Variants in NFATC3 observed in about 807,000 individuals in gnomAD.
The protein encoded by NFATC3 is nuclear factor of activated T-cells, cytoplasmic 3.
A neutral mutation model predicts 98.6 loss-of-function variants in NFATC3; 46 were observed. That is an observed-to-expected ratio of 0.47 (90% CI 0.37 to 0.60). The LOEUF is 0.60. Ranked by LOEUF, NFATC3 falls within the 20% of genes least tolerant of loss-of-function variation. The pLI, the probability that NFATC3 is intolerant of heterozygous loss-of-function variation, is 0.00. For missense variants in NFATC3, 1,256 were observed against 1,295.5 expected (o/e 0.97, Z 0.47); for synonymous variants, 512 against 472.2 (o/e 1.08, Z -1.09).
At chr16:68,160,098 C>T (rs1022116456) in intron 4 of NFATC3, among the ~76,000 whole-genome samples, 13 of 152,138 alleles carry the variant, frequency 8.5e-5, no homozygotes, top group African/African-American at 2.9e-4. Context: ...AATCAGATTT[C>T]AGTCTTGAGC....
intron 9 of NFATC3, among the ~76,000 whole-genome samples, chr16:68,194,765 A>G (rs1009422883): frequency 4.6e-5 from 7 of 152,160 alleles, no homozygotes; most frequent in African/African-American, 1.7e-4. Flanking sequence ...AATTTACCAC[A>G]GGTTGAGAGA....
intron 1 of NFATC3, among the ~76,000 whole-genome samples, chr16:68,105,686 A>G (rs1477390836): frequency 6.6e-6 from 1 of 152,138 alleles, no homozygotes; most frequent in Non-Finnish European, 1.5e-5. Context: ...ATTCTTGTCT[A>G]AGTGTTCATT....
chr16:68,113,099 T>G (rs2036070579), intron 1 of NFATC3, among the ~76,000 whole-genome samples: 1 of 152,238 alleles, frequency 6.6e-6, no homozygotes, highest in Non-Finnish European at 1.5e-5. Context: ...CAATTCATTC[T>G]TCTCTGCCTC....
At chr16:68,209,876 C>A in intron 9 of NFATC3, 1 of 259,318 alleles carries the variant, frequency 3.9e-6, no homozygotes, top group Admixed American at 4.8e-5. Flanking sequence ...CACTCACAGT[C>A]ACACTCACTC....
chr16:68,133,618 C>A (rs12597573), intron 3 of NFATC3, among the ~76,000 whole-genome samples: 16,166 of 152,132 alleles, frequency 0.11, 987 homozygotes, highest in South Asian at 0.21. Context: ...CGAAGATAAT[C>A]ATGCTTCTCA....
intron 6 of NFATC3, among the ~76,000 whole-genome samples, chr16:68,179,488 G>A (rs2039865372): frequency 6.6e-6 from 1 of 152,166 alleles, no homozygotes; most frequent in Non-Finnish European, 1.5e-5. Flanking sequence ...TCTAGTTACT[G>A]GACTGGAAAA....
intron 3 of NFATC3, among the ~76,000 whole-genome samples, chr16:68,140,130 G>A (rs2037671090): frequency 6.6e-6 from 1 of 152,056 alleles, no homozygotes; most frequent in Admixed American, 6.6e-5. Context: ...CCAAGTAGTT[G>A]GGACTACAAG....
chr16:68,125,801 A>G (rs569050533), intron 2 of NFATC3, among the ~76,000 whole-genome samples: 1 of 152,328 alleles, frequency 6.6e-6, no homozygotes, highest in East Asian at 1.9e-4. Flanking sequence ...AAAAATTTAC[A>G]GTTTTATAAA....
chr16:68,110,096 C>A (rs1054890090), intron 1 of NFATC3, among the ~76,000 whole-genome samples: 1 of 152,068 alleles, frequency 6.6e-6, no homozygotes, highest in Non-Finnish European at 1.5e-5. Context: ...CCTCCACCTC[C>A]TGGGTTCAAG....
chr16:68,214,623 A>T (rs1307996496), intron 9 of NFATC3, among the ~76,000 whole-genome samples: 1 of 152,168 alleles, frequency 6.6e-6, no homozygotes, highest in Non-Finnish European at 1.5e-5. Context: ...TCAGGCTCTT[A>T]CACTTGTGCT....
rs1360532974 is a variant in NFATC3, at chr16:68,199,219, T to TTTTA, written c.3106+7447_3106+7448insATTT. Among the ~76,000 whole-genome samples the TTTTA allele has an allele frequency of 4.6e-3, 698 of 150,952 alleles. 7 individuals carry two copies. The highest frequency in any genetic ancestry group is 0.016 in the African/African-American group (661 of 40,978). On this transcript the variant is annotated intron_variant, in intron 9 of 9. Transcript: ENST00000346183. ...CAACAGACCAAGACCCTGTTTATTT[T>TTTTA]TTTTTTATTTTTTATTTTTTTTGAG...
intron 4 of NFATC3, among the ~76,000 whole-genome samples, chr16:68,164,138 G>A (rs1195941682): frequency 6.6e-6 from 1 of 152,244 alleles, no homozygotes; most frequent in East Asian, 1.9e-4. Context: ...ACCAGACTCC[G>A]TCTGCAATCC....
intron 3 of NFATC3, among the ~76,000 whole-genome samples, chr16:68,147,485 A>AT (rs1205640626): frequency 6.6e-6 from 1 of 152,168 alleles, no homozygotes; most frequent in Non-Finnish European, 1.5e-5. Flanking sequence ...TTCAACAATG[A>AT]TTGAATGCCT....
chr16:68,168,383 G>A (rs924715583), intron 5 of NFATC3, among the ~76,000 whole-genome samples: 1 of 150,728 alleles, frequency 6.6e-6, no homozygotes. Context: ...TGCTGGTCTC[G>A]AAATTCTGAC....
In NFATC3 at chr16:68,191,778, A is replaced by C. The variant is rs2040418913; in HGVS notation, c.3106+3A>C. On this transcript the variant is annotated splice_donor_region_variant and intron_variant, in intron 9 of 9. Coordinates refer to ENST00000346183, the MANE Select transcript of NFATC3 (RefSeq NM_173165.3). ...GCAGGACATCACTTTAGATGATGGT[A>C]AGTTCATCTCTGATATGTTCTTGAA... The C allele has an allele frequency of 6.2e-7, 1 of 1,614,108 alleles. No homozygotes were observed. The highest frequency in any genetic ancestry group is 8.5e-7 in the Non-Finnish European group (1 of 1,179,982).
At chr16:68,115,303 C>T (rs181125203) in intron 1 of NFATC3, among the ~76,000 whole-genome samples, 261 of 152,166 alleles carry the variant, frequency 1.7e-3, no homozygotes, top group Middle Eastern at 3.4e-3. Context: ...ACCTTGTGAT[C>T]CACCTGCCTC....
chr16:68,133,425 C>T (rs1181383787), intron 3 of NFATC3, among the ~76,000 whole-genome samples: 1 of 152,090 alleles, frequency 6.6e-6, no homozygotes, highest in Non-Finnish European at 1.5e-5. Flanking sequence ...ATAATTATTA[C>T]ATGTCAACTA....
intron 8 of NFATC3, among the ~76,000 whole-genome samples, chr16:68,186,929 C>T (rs532930509): frequency 6.6e-6 from 1 of 152,386 alleles, no homozygotes; most frequent in African/African-American, 2.4e-5. Context: ...TGAGGTGTCA[C>T]TTTGCCAGCC....
At chr16:68,097,049 G>A (rs984659668) in intron 1 of NFATC3, among the ~76,000 whole-genome samples, 1 of 152,134 alleles carries the variant, frequency 6.6e-6, no homozygotes, top group Non-Finnish European at 1.5e-5. Context: ...CGACAAAGTG[G>A]GAATAGTGCT....
Sources: allele counts gnomAD v4.1 joint callset (sites outside exome capture counted in the v4.1 genomes callset), GRCh38; gene constraint gnomAD v4.1.1; transcripts MANE v1.5; gene names NCBI Gene and HGNC (gene_info 2026-07-23, HGNC 2026-07-21).